The following SLC14A2 variants were observed in gnomAD, a reference collection of about 807,000 sequenced individuals.
SLC14A2 encodes the protein solute carrier family 14 member 2.
In SLC14A2, 91 loss-of-function variants were observed where a neutral mutation model predicts 104.6. That is an observed-to-expected ratio of 0.87 (90% confidence interval 0.73 to 1.04). The LOEUF (loss-of-function observed/expected upper bound fraction) is 1.04, where lower values mean the gene tolerates loss of function less well. Among genes scored for constraint, SLC14A2 ranks in the 50% least tolerant of loss-of-function variants. SLC14A2 has a pLI of 0.00. For synonymous variants in SLC14A2, 476 were observed against 466.4 expected (o/e 1.02, Z -0.27); for missense variants, 1,189 against 1,156.0 (o/e 1.03, Z -0.41).
intron 2 of SLC14A2, chr18:45,507,334 G>A (rs2043302143): frequency 6.6e-6 from 1 of 152,608 alleles, no homozygotes; most frequent in South Asian, 2.1e-4. Context: ...ATGAGAGAGT[G>A]ACAAGGAGGA....
At chr18:45,282,212 A>C (rs933916676) in intron 1 of SLC14A2, among the ~76,000 whole-genome samples, 84 of 152,136 alleles carry the variant, frequency 5.5e-4, no homozygotes, top group African/African-American at 2.0e-3. Context: ...GAAGTCCATC[A>C]GGCCCTTCTT....
intron 2 of SLC14A2, among the ~76,000 whole-genome samples, chr18:45,610,310 G>A (rs1568297413): frequency 6.6e-6 from 1 of 152,200 alleles, no homozygotes; most frequent in Non-Finnish European, 1.5e-5. Context: ...GGCATAAAAT[G>A]TGTGCAGAAA....
the SLC14A2 span, among the ~76,000 whole-genome samples, chr18:45,188,291 T>G: frequency 6.6e-6 from 1 of 152,220 alleles, no homozygotes; most frequent in Admixed American, 6.5e-5. Flanking sequence ...ATTCTACTGA[T>G]GCTCTCAGGT....
chr18:45,583,583 G>C (rs1038405106), intron 2 of SLC14A2, among the ~76,000 whole-genome samples: 2 of 152,118 alleles, frequency 1.3e-5, no homozygotes, highest in African/African-American at 4.8e-5. Context: ...ATAAATGAAT[G>C]AGATAAGACA....
At chr18:45,504,402 C>T (rs1299745064) in intron 2 of SLC14A2, among the ~76,000 whole-genome samples, 1 of 152,270 alleles carries the variant, frequency 6.6e-6, no homozygotes, top group South Asian at 2.1e-4. Context: ...TGCCAGTGAA[C>T]CATTTGCCAG....
chr18:45,218,452 G>A (rs1023325255), intron 1 of SLC14A2, among the ~76,000 whole-genome samples: 7 of 151,956 alleles, frequency 4.6e-5, no homozygotes, highest in South Asian at 2.1e-4. Flanking sequence ...CTGTCCAATC[G>A]GCATCTATAT....
intron 1 of SLC14A2, among the ~76,000 whole-genome samples, chr18:45,221,237 G>A (rs68140471): frequency 0.1 from 15,560 of 152,200 alleles, 817 homozygotes; most frequent in Admixed American, 0.13. Flanking sequence ...TCTTCTAAAT[G>A]TTGTCTTTGC....
chr18:45,621,671 T>C (rs2045173553), intron 1 of SLC14A2, among the ~76,000 whole-genome samples: 1 of 152,120 alleles, frequency 6.6e-6, no homozygotes, highest in Non-Finnish European at 1.5e-5. Context: ...GTCAAAGCAA[T>C]AGACAGAACA....
intron 1 of SLC14A2, among the ~76,000 whole-genome samples, chr18:45,455,429 G>A (rs2086925966): frequency 6.6e-6 from 1 of 152,046 alleles, no homozygotes; most frequent in East Asian, 1.9e-4. Flanking sequence ...TCACTCACAA[G>A]TGGGAGTTGA....
At chr18:45,250,246 A>G (rs763517845) in intron 1 of SLC14A2, among the ~76,000 whole-genome samples, 22 of 152,244 alleles carry the variant, frequency 1.4e-4, no homozygotes, top group Admixed American at 5.2e-4. Flanking sequence ...TGCTCACAGC[A>G]TTAGGTCCAG....
At chr18:45,473,964 A>G (rs878871432) in intron 1 of SLC14A2, among the ~76,000 whole-genome samples, 1 of 152,162 alleles carries the variant, frequency 6.6e-6, no homozygotes, top group Non-Finnish European at 1.5e-5. Flanking sequence ...CCAGTTTTCA[A>G]AGGAAATGCT....
At chr18:45,192,888 C>T in the SLC14A2 span, among the ~76,000 whole-genome samples, 3 of 152,170 alleles carry the variant, frequency 2.0e-5, no homozygotes, top group East Asian at 5.8e-4. Flanking sequence ...GATCTCCTGA[C>T]CTCGTTATCC....
intron 2 of SLC14A2, among the ~76,000 whole-genome samples, chr18:45,513,805 C>T (rs184781970): frequency 4.6e-5 from 7 of 152,060 alleles, no homozygotes; most frequent in Non-Finnish European, 1.0e-4. Context: ...CTTACTGTAC[C>T]GACTCAGACC....
chr18:45,182,994 C>T, the SLC14A2 span, among the ~76,000 whole-genome samples: 2 of 152,128 alleles, frequency 1.3e-5, no homozygotes. Context: ...CTAGACTTGA[C>T]AGATTGGTGA....
intron 2 of SLC14A2, among the ~76,000 whole-genome samples, chr18:45,511,317 A>C (rs1198844380): frequency 6.6e-6 from 1 of 152,172 alleles, no homozygotes; most frequent in Non-Finnish European, 1.5e-5. Context: ...ATTTTGGGGC[A>C]GTGGATCTCT....
At chr18:45,468,544 A>G (rs961213998) in intron 1 of SLC14A2, among the ~76,000 whole-genome samples, 33 of 152,130 alleles carry the variant, frequency 2.2e-4, no homozygotes, top group Non-Finnish European at 4.1e-4. Flanking sequence ...CTATTTGTAA[A>G]ATTAAGCCAA....
chr18:45,374,266 C>T (rs539664278), intron 1 of SLC14A2, among the ~76,000 whole-genome samples: 38 of 152,294 alleles, frequency 2.5e-4, no homozygotes, highest in Non-Finnish European at 4.1e-4. Context: ...AAACAACTCT[C>T]CTGGAAGAAA....
rs368391173 is a variant in SLC14A2, at chr18:45,637,065, T to G, written c.726T>G (p.Ile242Met). ...DLPVFTLPFN[I>M]AVTLYLAATG... ...CGGTCTTCACTCTGCCCTTCAACAT[T>G]GCAGTCACCTTGTACCTTGCAGCCA... Residue 242 changes from isoleucine to methionine, a missense_variant, in exon 6 of 20, where the codon ATT becomes ATG. Ile to Met is a conservative substitution (Grantham distance 10). Coordinates refer to ENST00000255226, the MANE Select transcript of SLC14A2 (RefSeq NM_007163.4). The G allele has an allele frequency of 6.2e-7, 1 of 1,614,154 alleles. No homozygotes were observed. Among genetic ancestry groups the G allele is most frequent in the Non-Finnish European group, 8.5e-7 (1 of 1,179,984 alleles).
At chr18:45,345,818 G>A (rs958411119) in intron 1 of SLC14A2, among the ~76,000 whole-genome samples, 1 of 152,162 alleles carries the variant, frequency 6.6e-6, no homozygotes, top group African/African-American at 2.4e-5. Context: ...TTTTAATCCA[G>A]AGGAAATACT....
Sources: gnomAD v4.1 joint callset for allele counts (sites outside exome capture counted in the v4.1 genomes callset) on GRCh38, gnomAD v4.1.1 for gene constraint, MANE v1.5 for transcripts, NCBI Gene and HGNC (gene_info 2026-07-23, HGNC 2026-07-21) for gene names.